The following PAN3 variants were observed in gnomAD, a reference collection of about 807,000 sequenced individuals.
The protein encoded by PAN3 is poly(A) specific ribonuclease subunit PAN3.
PAN3 carries 19 observed loss-of-function variants against 96.2 expected under a neutral mutation model. The observed-to-expected ratio is 0.20, with a 90% CI of 0.14 to 0.29. The LOEUF (loss-of-function observed/expected upper bound fraction) is 0.29. Ranked by LOEUF, PAN3 falls within the 10% of genes least tolerant of loss-of-function variation. The pLI is 1.00. For missense variants in PAN3, 882 were observed against 1,108.1 expected, an observed-to-expected ratio of 0.80 and a Z score of 2.90; for synonymous variants, 433 against 406.6, an observed-to-expected ratio of 1.06 and a Z score of -0.78.
intron 6 of PAN3, chr13:28,232,686 G>A (rs913011948): frequency 1.3e-5 from 2 of 151,958 alleles, no homozygotes. Context: ...ATTTCCATTG[G>A]CATAAACACA....
At chr13:28,209,971 TG>T (rs1426562171) in intron 5 of PAN3, among the ~76,000 whole-genome samples, 1 of 151,962 alleles carries the variant, frequency 6.6e-6, no homozygotes, top group Non-Finnish European at 1.5e-5. Flanking sequence ...TTAGTAGAGA[TG>T]GGGGTCTTGC....
chr13:28,194,768 C>T (rs2138217752), intron 4 of PAN3, among the ~76,000 whole-genome samples: 1 of 152,044 alleles, frequency 6.6e-6, no homozygotes, highest in Admixed American at 6.6e-5. Context: ...CCGTTCCCGG[C>T]CAAATATAAA....
At chr13:28,207,177 A>G (rs1470423530) in intron 5 of PAN3, among the ~76,000 whole-genome samples, 6 of 152,166 alleles carry the variant, frequency 3.9e-5, no homozygotes, top group Non-Finnish European at 7.3e-5. Context: ...ATGCCACCAT[A>G]TATCTTGGTT....
Position 28,280,520 on chromosome 13 carries a change from C to T in PAN3, c.2298C>T (p.Val766=). 6.4e-6 allele frequency: 10 copies of T among 1,557,916 alleles called. No individual in the cohort carries two copies. Among genetic ancestry groups the T allele is most frequent in the Non-Finnish European group, 8.8e-6 (10 of 1,136,194 alleles). Reference sequence around the variant, plus strand: ...ATGCTGCTCAAATGAGAAATGATGTCATAGAGGAAGACCTTGCAAAGGTAA... The same window carrying T: ...ATGCTGCTCAAATGAGAAATGATGTTATAGAGGAAGACCTTGCAAAGGTAA... ...QLDAAQMRND[V]IEEDLAKEVQ... is the part of the protein sequence containing the mutation. Residue 766 remains valine, a synonymous_variant, in exon 16 of 19, where the codon GTC becomes GTT. Coordinates refer to ENST00000380958, the MANE Select transcript of PAN3 (RefSeq NM_175854.8).
intron 1 of PAN3, among the ~76,000 whole-genome samples, chr13:28,143,113 TG>T (rs1294908261): frequency 1.6e-4 from 24 of 152,176 alleles, no homozygotes; most frequent in African/African-American, 5.8e-4. Flanking sequence ...TTTTTGTTTT[TG>T]TTTTTGTTTT....
At chr13:28,178,637 T>A (rs1875365892) in intron 4 of PAN3, among the ~76,000 whole-genome samples, 1 of 152,180 alleles carries the variant, frequency 6.6e-6, no homozygotes, top group African/African-American at 2.4e-5. Context: ...ATTATAAAGT[T>A]ATAACATTGT....
At chr13:28,241,030 G>A (rs1208544833) in intron 6 of PAN3, among the ~76,000 whole-genome samples, 1 of 152,218 alleles carries the variant, frequency 6.6e-6, no homozygotes, top group East Asian at 1.9e-4. Flanking sequence ...TGGGAACCGA[G>A]GTGGCAAGGT....
chr13:28,175,503 C>G (rs1281275588), intron 2 of PAN3, among the ~76,000 whole-genome samples: 1 of 152,186 alleles, frequency 6.6e-6, no homozygotes, highest in African/African-American at 2.4e-5. Flanking sequence ...GCCGTGGCCT[C>G]CCAAAGGAGG....
chr13:28,174,711 A>C (rs1478363407), intron 2 of PAN3, among the ~76,000 whole-genome samples: 3 of 152,218 alleles, frequency 2.0e-5, no homozygotes, highest in Non-Finnish European at 4.4e-5. Context: ...TGTTTTAAGC[A>C]GGTTATACAT....
chr13:28,219,386 G>C (rs1345727513), intron 5 of PAN3, among the ~76,000 whole-genome samples: 11 of 151,794 alleles, frequency 7.2e-5, no homozygotes, highest in Non-Finnish European at 1.5e-4. Flanking sequence ...GGTTAGCCTG[G>C]TGACTTGTTA....
chr13:28,146,304 C>CTT (rs1467405210), intron 1 of PAN3, among the ~76,000 whole-genome samples: 2 of 149,288 alleles, frequency 1.3e-5, no homozygotes, highest in African/African-American at 5.0e-5. Context: ...TTCTCTGTCT[C>CTT]TCTCTCTCTC....
At position 28,292,608 on chromosome 13, in the gene PAN3, T is replaced by C; in HGVS notation, c.*86T>C. On this transcript the variant is annotated 3_prime_UTR_variant, in exon 19 of 19. Transcript: ENST00000380958. The stretch of plus-strand genomic sequence containing the variant: ...ACAGCTGAACTTTTCATCATCTCAT[T>C]CACATTTGGGAAACGAACAGGAGAT... 7.3e-7 allele frequency: 1 copy of C among 1,360,642 alleles called. No individual in the cohort carries two copies. The highest frequency in any genetic ancestry group is 9.8e-7 in the Non-Finnish European group (1 of 1,019,026). The allele number at this position is 1,360,642 out of a possible 1,614,324, so 84.3% of individuals were successfully genotyped here. A position where few individuals can be genotyped will look rare whatever the true frequency, so the allele number is the denominator to read the frequency against.
At chr13:28,229,947 A>T (rs184788447) in intron 6 of PAN3, among the ~76,000 whole-genome samples, 1 of 152,230 alleles carries the variant, frequency 6.6e-6, no homozygotes, top group African/African-American at 2.4e-5. Context: ...TGACTGCTCG[A>T]TTTAGAACTT....
intron 1 of PAN3, among the ~76,000 whole-genome samples, chr13:28,151,371 C>T (rs373390826): frequency 5.3e-5 from 8 of 151,906 alleles, no homozygotes; most frequent in African/African-American, 1.2e-4. Flanking sequence ...AAAAATTAGC[C>T]GGGCATGGTG....
chr13:28,175,080 A>G (rs1343418436), intron 2 of PAN3, among the ~76,000 whole-genome samples: 1 of 152,142 alleles, frequency 6.6e-6, no homozygotes, highest in Non-Finnish European at 1.5e-5. Flanking sequence ...ATTTTGTAGA[A>G]TTGGAATAAA....
At chr13:28,186,626 A>T (rs936543708) in intron 4 of PAN3, among the ~76,000 whole-genome samples, 1 of 152,206 alleles carries the variant, frequency 6.6e-6, no homozygotes, top group South Asian at 2.1e-4. Context: ...AATAAAACTC[A>T]TTTCTGAAAA....
At chr13:28,230,419 A>G (rs1232196739) in intron 6 of PAN3, among the ~76,000 whole-genome samples, 2 of 149,484 alleles carry the variant, frequency 1.3e-5, no homozygotes, top group African/African-American at 2.4e-5. Context: ...CCATGGATGG[A>G]AAAAAAAAAC....
At chr13:28,194,423 T>G (rs917264574) in intron 4 of PAN3, among the ~76,000 whole-genome samples, 1 of 147,536 alleles carries the variant, frequency 6.8e-6, no homozygotes, top group African/African-American at 2.5e-5. Context: ...TATACGTGTG[T>G]GTGTGTATAT....
chr13:28,206,378 C>CA (rs941275081), intron 5 of PAN3, among the ~76,000 whole-genome samples: 4 of 137,796 alleles, frequency 2.9e-5, no homozygotes, highest in Non-Finnish European at 6.0e-5. Flanking sequence ...GGCTGGAGTG[C>CA]AGTGGTGCGA....
Sources: gnomAD v4.1 joint callset for allele counts (sites outside exome capture counted in the v4.1 genomes callset) on GRCh38, gnomAD v4.1.1 for gene constraint, MANE v1.5 for transcripts, NCBI Gene and HGNC (gene_info 2026-07-23, HGNC 2026-07-21) for gene names.